Variants in MMP16 observed in about 807,000 individuals in gnomAD.
MMP16 encodes the protein matrix metallopeptidase 16.
MMP16 carries 12 observed loss-of-function variants against 67.8 expected under a neutral mutation model. The ratio of observed to expected loss-of-function variants is 0.18; its 90% CI spans 0.11 to 0.29. MMP16 has a LOEUF of 0.29. MMP16 is among the 10% of genes least tolerant of loss of function. MMP16 has a pLI of 1.00. For missense variants in MMP16, 475 were observed against 765.7 expected, an observed-to-expected ratio of 0.62 and a Z score of 4.48; for synonymous variants, 249 against 255.9, an observed-to-expected ratio of 0.97 and a Z score of 0.26.
intron 4 of MMP16, among the ~76,000 whole-genome samples, chr8:88,157,435 C>G (rs1045451630): frequency 6.6e-6 from 1 of 151,656 alleles, no homozygotes; most frequent in East Asian, 2.0e-4. Context: ...TCCTCCCGTT[C>G]CCCAAAGATA....
chr8:88,217,245 T>G (rs1384827810), intron 1 of MMP16, among the ~76,000 whole-genome samples: 1 of 152,064 alleles, frequency 6.6e-6, no homozygotes, highest in Middle Eastern at 3.2e-3. Context: ...AGGCAAAAAG[T>G]GTATTTATTA....
intron 4 of MMP16, among the ~76,000 whole-genome samples, chr8:88,149,441 C>G (rs1227643012): frequency 6.6e-6 from 1 of 152,208 alleles, no homozygotes; most frequent in Non-Finnish European, 1.5e-5. Flanking sequence ...GCAGTAACCT[C>G]TGCAGACTTA....
At chr8:88,299,058 T>C (rs983972965) in intron 1 of MMP16, among the ~76,000 whole-genome samples, 3 of 152,104 alleles carry the variant, frequency 2.0e-5, no homozygotes, top group Non-Finnish European at 4.4e-5. Context: ...AAAAAATAGA[T>C]GACAGATAAC....
intron 2 of MMP16, among the ~76,000 whole-genome samples, chr8:88,190,785 C>CT (rs1269760570): frequency 6.6e-6 from 1 of 151,754 alleles, no homozygotes; most frequent in African/African-American, 2.4e-5. Flanking sequence ...TAGTCACCAC[C>CT]TTTTTTTTAA....
At chr8:88,178,613 AAGTTCTGC>A (rs1395675656) in intron 3 of MMP16, among the ~76,000 whole-genome samples, 1 of 152,164 alleles carries the variant, frequency 6.6e-6, no homozygotes, top group East Asian at 1.9e-4. Context: ...CTTATGTGGC[AAGTTCTGC>A]ATATCCTCAC....
rs1005213209 is a variant in MMP16 at position 88,327,359 on chromosome 8, G to C, written c.-153C>G. The C allele has an allele frequency of 2.8e-5, 27 of 947,588 alleles. No individual in the cohort carries two copies. Among genetic ancestry groups the C allele is most frequent in the Non-Finnish European group, 4.2e-5 (27 of 644,424 alleles). 58.7% of individuals were successfully genotyped at this position (947,588 alleles called of 1,614,324 possible). A position where few individuals can be genotyped will look rare whatever the true frequency, so the allele number is the denominator to read the frequency against. ...CAGCCGGGCAAGGGGAGGAGACAGG[G>C]GCCCCGCGCTCGGCAGCCCCCGAGA... On this transcript the variant is annotated 5_prime_UTR_variant, in exon 1 of 10. Transcript: ENST00000286614.
Position 88,286,642 on chromosome 8 carries a change from C to T in MMP16, c.132+40433G>A, listed in dbSNP as rs570001482. On this transcript the variant is annotated intron_variant, in intron 1 of 9. Coordinates refer to ENST00000286614, the MANE Select transcript of MMP16 (RefSeq NM_005941.5). ...CCAGGCTGGAGTGCAGTGGCGCGAT[C>T]TTTGCTCACTGCAAGCTCCACCTCC... 3.2e-4 allele frequency among the ~76,000 whole-genome samples: 49 copies of T among 151,916 alleles called. No homozygotes were observed. In the South Asian group the frequency reaches 1.0e-2, roughly 31 times the overall value.
At chr8:88,222,080 T>C (rs1383427343) in intron 1 of MMP16, among the ~76,000 whole-genome samples, 3 of 152,020 alleles carry the variant, frequency 2.0e-5, no homozygotes, top group Non-Finnish European at 4.4e-5. Flanking sequence ...AAAAATAGCA[T>C]TTTATTATTG....
chr8:88,232,061 G>A (rs758752554), intron 1 of MMP16, among the ~76,000 whole-genome samples: 3 of 152,082 alleles, frequency 2.0e-5, no homozygotes, highest in Non-Finnish European at 2.9e-5. Context: ...GAGTAGGGAG[G>A]CAATCGAGAG....
chr8:88,199,782 G>GT (rs1383434920), intron 1 of MMP16, among the ~76,000 whole-genome samples: 1 of 151,568 alleles, frequency 6.6e-6, no homozygotes, highest in East Asian at 1.9e-4. Context: ...TTCCATCCTC[G>GT]TATGTTTTTA....
chr8:88,129,475 TAAAGA>T (rs1807990773), intron 4 of MMP16, among the ~76,000 whole-genome samples: 2 of 151,652 alleles, frequency 1.3e-5, no homozygotes, highest in Non-Finnish European at 1.5e-5. Context: ...GCAAGTATAG[TAAAGA>T]AGTGTGATAA....
intron 1 of MMP16, among the ~76,000 whole-genome samples, chr8:88,224,988 T>C (rs1318182796): frequency 6.6e-6 from 1 of 151,990 alleles, no homozygotes; most frequent in Admixed American, 6.6e-5. Flanking sequence ...CTGATCTTTT[T>C]TGCTGTTCCC....
At chr8:88,252,491 C>G (rs1028653025) in intron 1 of MMP16, among the ~76,000 whole-genome samples, 7 of 151,802 alleles carry the variant, frequency 4.6e-5, no homozygotes, top group African/African-American at 1.7e-4. Flanking sequence ...TTTTTCCCAG[C>G]TTAGTAAAAA....
At chr8:88,256,597 T>C (rs1255180411) in intron 1 of MMP16, among the ~76,000 whole-genome samples, 1 of 151,948 alleles carries the variant, frequency 6.6e-6, no homozygotes, top group African/African-American at 2.4e-5. Flanking sequence ...AGGATGCATA[T>C]TTATTTTGTC....
At chr8:88,194,380 G>A (rs13282499) in intron 2 of MMP16, among the ~76,000 whole-genome samples, 75,845 of 151,704 alleles carry the variant, frequency 0.5, 20,726 homozygotes, top group Non-Finnish European at 0.63. Context: ...TGTAATAAGT[G>A]TCAGATAAAA....
chr8:88,247,573 T>C (rs1334802076), intron 1 of MMP16, among the ~76,000 whole-genome samples: 1 of 152,012 alleles, frequency 6.6e-6, no homozygotes, highest in African/African-American at 2.4e-5. Flanking sequence ...GGGTTCACTG[T>C]TGTGGTTCTT....
Position 88,046,794 on chromosome 8 carries a change from A to AT in MMP16, c.1374-11dup, listed in dbSNP as rs773976049. 3.6e-5 allele frequency: 55 copies of AT among 1,536,056 alleles called. No individual in the cohort carries two copies. In the African/African-American group the frequency reaches 6.3e-4, roughly 18 times the overall value. The stretch of plus-strand genomic sequence containing the variant: ...ACTATATCTCCAATATCTACAAAGG[A>AT]TAAAAACAACAACAACAAACACAAT... On this transcript the variant is annotated splice_polypyrimidine_tract_variant and intron_variant, in intron 8 of 9. Transcript: ENST00000286614.
chr8:88,146,790 T>TAA (rs544861223), intron 4 of MMP16, among the ~76,000 whole-genome samples: 1 of 145,100 alleles, frequency 6.9e-6, no homozygotes. Flanking sequence ...TAAACCAAAA[T>TAA]AAAAAAAAAA....
At chr8:88,223,089 A>C (rs1345790294) in intron 1 of MMP16, among the ~76,000 whole-genome samples, 3 of 152,226 alleles carry the variant, frequency 2.0e-5, no homozygotes, top group African/African-American at 7.2e-5. Flanking sequence ...GACACGTGAA[A>C]AAATGCTCAT....
Sources: gnomAD v4.1 joint callset for allele counts (sites outside exome capture counted in the v4.1 genomes callset) on GRCh38, gnomAD v4.1.1 for gene constraint, MANE v1.5 for transcripts, NCBI Gene and HGNC (gene_info 2026-07-23, HGNC 2026-07-21) for gene names.